The following MACROD2 variants were observed in gnomAD, a reference collection of about 807,000 sequenced individuals.
MACROD2 encodes the protein ADP-ribose glycohydrolase MACROD2.
A neutral mutation model predicts 70.4 loss-of-function variants in MACROD2; 36 were observed. The ratio of observed to expected loss-of-function variants is 0.51; its 90% CI spans 0.39 to 0.68. MACROD2 has a LOEUF of 0.68. Ranked by LOEUF, MACROD2 falls within the 30% of genes least tolerant of loss-of-function variation. MACROD2 has a pLI of 0.00. For synonymous variants in MACROD2, 172 were observed against 178.8 expected (o/e 0.96, Z 0.30); for missense variants, 496 against 538.4 (o/e 0.92, Z 0.78).
intron 5 of MACROD2, among the ~76,000 whole-genome samples, chr20:15,134,309 G>A (rs2039387715): frequency 6.6e-6 from 1 of 150,928 alleles, no homozygotes; most frequent in Non-Finnish European, 1.5e-5. Flanking sequence ...GGATCACGAG[G>A]TCAGGAGATA....
intron 2 of MACROD2, among the ~76,000 whole-genome samples, chr20:14,070,275 T>G (rs2053820338): frequency 6.6e-6 from 1 of 152,012 alleles, no homozygotes; most frequent in East Asian, 1.9e-4. Context: ...CTAAGAGAAC[T>G]GAACTATATA....
intron 4 of MACROD2, among the ~76,000 whole-genome samples, chr20:14,536,145 C>T (rs981559538): frequency 2.0e-5 from 3 of 152,238 alleles, no homozygotes; most frequent in African/African-American, 7.2e-5. Flanking sequence ...AAAGAACTTT[C>T]CCCTGATACC....
rs535732064 is a variant in MACROD2, at chr20:15,841,208, A to G, written c.646-21537A>G. ...CAAAGGGAAAACAGAAGGGATGTTA[A>G]GGCAGAGAATGATCAAGGGCCGTGG... On this transcript the variant is annotated intron_variant, in intron 8 of 17. Coordinates refer to ENST00000684519, the MANE Select transcript of MACROD2 (RefSeq NM_001351661.2). Among the ~76,000 whole-genome samples, 12 of 152,310 alleles carry G rather than the reference A, an allele frequency of 7.9e-5. No individual in the cohort carries two copies. The South Asian group carries it at 2.3e-3, about 29-fold the overall frequency.
intron 3 of MACROD2, among the ~76,000 whole-genome samples, chr20:14,222,706 T>G (rs1417063593): frequency 6.6e-6 from 1 of 151,942 alleles, no homozygotes; most frequent in Non-Finnish European, 1.5e-5. Context: ...GATATTATTG[T>G]TAGATGCGAT....
At chr20:14,788,763 GTTTT>G (rs1195877119) in intron 5 of MACROD2, among the ~76,000 whole-genome samples, 6,232 of 79,536 alleles carry the variant, frequency 0.078, 113 homozygotes, top group East Asian at 0.18. Context: ...TAGTGGTGGT[GTTTT>G]TTTTTTTTTT....
At chr20:14,183,911 A>G (rs2081324813) in intron 3 of MACROD2, among the ~76,000 whole-genome samples, 1 of 152,024 alleles carries the variant, frequency 6.6e-6, no homozygotes, top group Admixed American at 6.6e-5. Context: ...AATTTGTTTA[A>G]GTTCCTTAGA....
intron 5 of MACROD2, among the ~76,000 whole-genome samples, chr20:15,178,958 A>G (rs1166811163): frequency 6.6e-6 from 1 of 152,218 alleles, no homozygotes; most frequent in Non-Finnish European, 1.5e-5. Flanking sequence ...ATGAGGAAGC[A>G]TAAGGGAGGA....
At chr20:14,990,696 T>G (rs1487172552) in intron 5 of MACROD2, among the ~76,000 whole-genome samples, 1 of 151,922 alleles carries the variant, frequency 6.6e-6, no homozygotes, top group Non-Finnish European at 1.5e-5. Flanking sequence ...GTATTTTTAG[T>G]AGAGGCGGGG....
In MACROD2 at chr20:14,017,713, T is replaced by C. The variant is rs568973233; in HGVS notation, c.163+15309T>C. 1.7e-4 allele frequency among the ~76,000 whole-genome samples: 26 copies of C among 152,174 alleles called. 1 individual carries two copies. The highest frequency in any genetic ancestry group is 5.1e-4 in the African/African-American group (21 of 41,462). On this transcript the variant is annotated intron_variant, in intron 2 of 17. Coordinates refer to ENST00000684519, the MANE Select transcript of MACROD2 (RefSeq NM_001351661.2). Reference sequence around the variant, plus strand: ...TGCTGCTGAATTCAGTTTGCTAGTATTGAGGATTTTTTTCATTGTGATTCA... The same window carrying C: ...TGCTGCTGAATTCAGTTTGCTAGTACTGAGGATTTTTTTCATTGTGATTCA...
At chr20:15,179,308 C>G (rs2076484035) in intron 5 of MACROD2, among the ~76,000 whole-genome samples, 1 of 152,106 alleles carries the variant, frequency 6.6e-6, no homozygotes, top group African/African-American at 2.4e-5. Flanking sequence ...ATAAACAATT[C>G]TACCTGTGCA....
chr20:16,039,831 T>C (rs996815826), intron 15 of MACROD2, among the ~76,000 whole-genome samples: 6 of 151,982 alleles, frequency 3.9e-5, no homozygotes, highest in African/African-American at 1.4e-4. Flanking sequence ...TGAAAAGCAC[T>C]GTGGACACAG....
intron 3 of MACROD2, chr20:14,352,246 C>A (rs1601520149): frequency 6.6e-6 from 1 of 152,104 alleles, no homozygotes; most frequent in South Asian, 2.1e-4. Flanking sequence ...ACCTGCATAA[C>A]TAGCCTCTCT....
At chr20:15,510,505 T>G (rs1374286550) in intron 8 of MACROD2, among the ~76,000 whole-genome samples, 2 of 152,118 alleles carry the variant, frequency 1.3e-5, no homozygotes, top group African/African-American at 2.4e-5. Flanking sequence ...AAGTAAATGA[T>G]TTGCTTGTTG....
intron 2 of MACROD2, among the ~76,000 whole-genome samples, chr20:14,055,388 CTT>C (rs1298534874): frequency 6.6e-6 from 1 of 150,784 alleles, no homozygotes; most frequent in East Asian, 1.9e-4. Flanking sequence ...CAGTCTTTCT[CTT>C]TTGACTCTAC....
At chr20:15,004,124 G>C (rs1600935316) in intron 5 of MACROD2, among the ~76,000 whole-genome samples, 1 of 152,174 alleles carries the variant, frequency 6.6e-6, no homozygotes, top group South Asian at 2.1e-4. Flanking sequence ...GGACAAGAAT[G>C]GTTTGAGTAC....
At chr20:14,798,373 G>C (rs974590579) in intron 5 of MACROD2, among the ~76,000 whole-genome samples, 14 of 151,954 alleles carry the variant, frequency 9.2e-5, no homozygotes, top group South Asian at 4.1e-4. Context: ...ACATGGATTT[G>C]TCTTGATAAT....
At chr20:15,045,793 A>G (rs1325302962) in intron 5 of MACROD2, among the ~76,000 whole-genome samples, 1 of 132,540 alleles carries the variant, frequency 7.5e-6, no homozygotes, top group Admixed American at 9.6e-5. Flanking sequence ...ACAAATAGCT[A>G]TGAAAAATGG....
intron 5 of MACROD2, among the ~76,000 whole-genome samples, chr20:14,873,697 A>C (rs2073515431): frequency 6.6e-6 from 1 of 152,130 alleles, no homozygotes; most frequent in Admixed American, 6.5e-5. Flanking sequence ...TGTCCCTACT[A>C]AAAATACAAA....
chr20:15,514,006 A>G (rs778567913), intron 8 of MACROD2, among the ~76,000 whole-genome samples: 6 of 152,236 alleles, frequency 3.9e-5, no homozygotes, highest in Non-Finnish European at 8.8e-5. Context: ...TTAAAAGTCA[A>G]TGAACAGATT....
Sources: gnomAD v4.1 joint callset for allele counts (sites outside exome capture counted in the v4.1 genomes callset) on GRCh38, gnomAD v4.1.1 for gene constraint, MANE v1.5 for transcripts, NCBI Gene and HGNC (gene_info 2026-07-23, HGNC 2026-07-21) for gene names.